FRRS1: variants seen among roughly 807,000 people sequenced by gnomAD.
FRRS1 encodes ferric chelate reductase 1.
FRRS1 carries 51 observed loss-of-function variants against 70.7 expected under a neutral mutation model. The ratio of observed to expected loss-of-function variants is 0.72; its 90% confidence interval spans 0.58 to 0.91. The LOEUF (loss-of-function observed/expected upper bound fraction) is 0.91. FRRS1 is among the 40% of genes least tolerant of loss of function. FRRS1 has a pLI of 0.00. For synonymous variants in FRRS1, 225 were observed against 238.7 expected, an observed-to-expected ratio of 0.94 and a Z score of 0.53; for missense variants, 672 against 726.0, an observed-to-expected ratio of 0.93 and a Z score of 0.86.
rs945628121 is a variant in FRRS1, at chr1:99,708,064, A to T, written c.*964T>A. Among the ~76,000 whole-genome samples the T allele has an allele frequency of 1.3e-5, 2 of 152,220 alleles. No individual in the cohort carries two copies. Among genetic ancestry groups the T allele is most frequent in the Non-Finnish European group, 2.9e-5 (2 of 68,032 alleles). Reference sequence around the variant, plus strand: ...ATACATAAATAGTATCTTTAAGTAAAAGATGCATACTTGCATTTCATTGCT... The same window carrying T: ...ATACATAAATAGTATCTTTAAGTAATAGATGCATACTTGCATTTCATTGCT... On this transcript the variant is annotated 3_prime_UTR_variant, in exon 17 of 17. Coordinates refer to ENST00000646001, the MANE Select transcript of FRRS1 (RefSeq NM_001361041.2).
At chr1:99,764,041 ATAGAG>A (rs1299823707) in intron 1 of FRRS1, among the ~76,000 whole-genome samples, 1 of 152,200 alleles carries the variant, frequency 6.6e-6, no homozygotes, top group East Asian at 1.9e-4. Flanking sequence ...ACAAAATGAA[ATAGAG>A]TAAACAGATA....
At position 99,707,432 on chromosome 1, in the gene FRRS1, G is replaced by A. The variant is rs762098981; in HGVS notation, c.*1596C>T. On this transcript the variant is annotated 3_prime_UTR_variant, in exon 17 of 17. Coordinates refer to ENST00000646001, the MANE Select transcript of FRRS1 (RefSeq NM_001361041.2). ...AAATTTTTTATTTTAAAAATGCCCA[G>A]TTTATTTATTTGCTTTGCCTAAGAT... 3.9e-5 allele frequency among the ~76,000 whole-genome samples: 6 copies of A among 152,012 alleles called. No individual in the cohort carries two copies. Among genetic ancestry groups the A allele is most frequent in the Non-Finnish European group, 8.8e-5 (6 of 67,998 alleles).
chr1:99,746,798 T>C (rs912775235), intron 4 of FRRS1, among the ~76,000 whole-genome samples: 7 of 152,156 alleles, frequency 4.6e-5, no homozygotes, highest in African/African-American at 1.7e-4. Flanking sequence ...ATTGGTACCA[T>C]ATAGAAACAT....
chr1:99,748,836 G>C, intron 2 of FRRS1, 61 bp downstream of exon 2: 1 of 1,119,104 alleles, frequency 8.9e-7, no homozygotes, highest in Non-Finnish European at 1.3e-6. Flanking sequence ...TTACACAACT[G>C]GACCATAATT....
intron 4 of FRRS1, among the ~76,000 whole-genome samples, chr1:99,745,377 A>G (rs887491600): frequency 6.6e-6 from 1 of 152,176 alleles, no homozygotes; most frequent in African/African-American, 2.4e-5. Context: ...CTTGCCAGTA[A>G]AAGACTGCCT....
At position 99,706,476 on chromosome 1, in the gene FRRS1, C is replaced by G. The variant is rs1654041225; in HGVS notation, c.*2552G>C. Among the ~76,000 whole-genome samples the G allele has an allele frequency of 6.6e-6, 1 of 151,150 alleles. No individual in the cohort carries two copies. The highest frequency in any genetic ancestry group is 2.1e-4 in the South Asian group (1 of 4,798). On this transcript the variant is annotated 3_prime_UTR_variant, in exon 17 of 17. Transcript: ENST00000646001. Reference sequence around the variant, plus strand: ...AACTCTGTATGTAAGTTGGCAAAGACCAAAATAGTGCCAACATATGAAGCA... The same window carrying G: ...AACTCTGTATGTAAGTTGGCAAAGAGCAAAATAGTGCCAACATATGAAGCA...
In FRRS1 at chr1:99,713,623, CATA is replaced by C. The variant is rs1278873995; in HGVS notation, c.1324-1111_1324-1109del. Among the ~76,000 whole-genome samples the C allele has an allele frequency of 3.3e-5, 5 of 152,156 alleles. No individual in the cohort carries two copies. In the East Asian group the frequency reaches 9.6e-4, roughly 29 times the overall value. The stretch of plus-strand genomic sequence containing the variant: ...CTCATTGGCTATAAAACTGGAAAAG[CATA>C]ATAAAAGCACAGGCTCTGAACTTAA... On this transcript the variant is annotated intron_variant, in intron 12 of 16. Coordinates refer to ENST00000646001, the MANE Select transcript of FRRS1 (RefSeq NM_001361041.2).
intron 4 of FRRS1, among the ~76,000 whole-genome samples, chr1:99,745,841 G>A (rs776350451): frequency 4.6e-5 from 7 of 152,084 alleles, no homozygotes; most frequent in Non-Finnish European, 8.8e-5. Context: ...GCTGTTCCTC[G>A]AGATAGTGAG....
intron 4 of FRRS1, 47 bp from the exon 5 acceptor site, chr1:99,742,320 A>C: frequency 3.6e-6 from 4 of 1,121,990 alleles, no homozygotes; most frequent in Non-Finnish European, 4.1e-6. Flanking sequence ...TCAATAGCTC[A>C]GCATGGCTGG....
At chr1:99,728,669 G>T (rs779215271) in intron 8 of FRRS1, 29 bp from the exon 9 acceptor site, 2 of 1,595,814 alleles carry the variant, frequency 1.3e-6, no homozygotes, top group South Asian at 2.2e-5. Context: ...GGTCTTCTCA[G>T]CACTTTCCAA....
rs1238741479 is a variant in FRRS1, at chr1:99,738,120, T to C, written c.725A>G (p.Tyr242Cys). Residue 242 changes from tyrosine (Y) to cysteine (C), a missense_variant, in exon 7 of 17, where the codon TAT (tyrosine) becomes TGT (cysteine). Coordinates refer to ENST00000646001, the MANE Select transcript of FRRS1 (RefSeq NM_001361041.2). ...ATCATGAGACAATGCAAAGGATAAA[T>C]AGCCTTTACTGGGGCCGCTCATTTC... ...MVEMSGPSKG[Y>C]LSFALSHDQW... 2.5e-6 allele frequency: 4 copies of C among 1,613,570 alleles called. No homozygotes were observed. The highest frequency in any genetic ancestry group is 2.2e-5 in the East Asian group (1 of 44,862).
At chr1:99,736,252 T>G (rs1204592422) in intron 7 of FRRS1, among the ~76,000 whole-genome samples, 2 of 152,072 alleles carry the variant, frequency 1.3e-5, no homozygotes, top group African/African-American at 4.8e-5. Flanking sequence ...CAAAAGGAAG[T>G]GGGGAAGATG....
At position 99,721,908 on chromosome 1, in the gene FRRS1, T is replaced by C. The variant is rs1571107176; in HGVS notation, c.1007-2261A>G. 2.6e-5 allele frequency among the ~76,000 whole-genome samples: 4 copies of C among 152,274 alleles called. No homozygotes were observed. In the South Asian group the frequency reaches 8.3e-4, roughly 32 times the overall value. ...AACCACGCCCGGTCGAAAAATTCTT[T>C]TTAATTAGTCAAATATTTCCATCCA... On this transcript the variant is annotated intron_variant, in intron 9 of 16. Transcript: ENST00000646001.
At chr1:99,748,310 T>C in intron 3 of FRRS1, 1 of 281,282 alleles carries the variant, frequency 3.6e-6, no homozygotes, top group Non-Finnish European at 6.5e-6. Context: ...ATAAACTTCA[T>C]TTTTCTCTTC....
At position 99,710,817 on chromosome 1, in the gene FRRS1, A is replaced by G. The variant is rs747167930; in HGVS notation, c.1613T>C (p.Leu538Pro). Residue 538 changes from leucine (L) to proline (P), a missense_variant, in exon 15 of 17, where the codon CTC (leucine) becomes CCC (proline). Physicochemically the swap from Leu to Pro is moderately conservative, Grantham distance 98. Transcript: ENST00000646001. ...EVVLEVHAYRLSRKVEILDDD... is the reference protein window; with the variant it reads ...EVVLEVHAYRPSRKVEILDDD... ...TTTTACCAGGTTACCTTTGCGAGAG[A>G]GCCGATAAGCATGTACCTCCAGAAC... The G allele has an allele frequency of 1.2e-6, 2 of 1,613,854 alleles. No homozygotes were observed. The highest frequency in any genetic ancestry group is 1.7e-6 in the Non-Finnish European group (2 of 1,179,892).
chr1:99,753,732 A>G (rs549142488), intron 1 of FRRS1, among the ~76,000 whole-genome samples: 55 of 151,942 alleles, frequency 3.6e-4, no homozygotes, highest in Middle Eastern at 6.9e-3. Context: ...TGATCACGCC[A>G]CTACACTCCA....
chr1:99,725,904 T>C (rs901417541), intron 9 of FRRS1, among the ~76,000 whole-genome samples: 5 of 152,224 alleles, frequency 3.3e-5, no homozygotes, highest in Admixed American at 1.3e-4. Flanking sequence ...AGTATAAAAC[T>C]TTAAAAAGTA....
chr1:99,738,796 A>C (rs957357137), intron 6 of FRRS1, among the ~76,000 whole-genome samples: 1 of 152,218 alleles, frequency 6.6e-6, no homozygotes, highest in African/African-American at 2.4e-5. Flanking sequence ...CTAAAATGAC[A>C]TAAGAAAAAA....
intron 3 of FRRS1, 54 bp from the exon 4 acceptor site, chr1:99,747,484 T>A (rs1172803885): frequency 2.6e-6 from 4 of 1,528,128 alleles, no homozygotes; most frequent in Admixed American, 3.9e-5. Context: ...CAAAAAAAAA[T>A]GTTTAGAGGT....
Sources: allele counts gnomAD v4.1 joint callset (sites outside exome capture counted in the v4.1 genomes callset), GRCh38; gene constraint gnomAD v4.1.1; transcripts MANE v1.5; gene names NCBI Gene and HGNC (gene_info 2026-07-23, HGNC 2026-07-21).